GFRA1: variants seen among roughly 807,000 people sequenced by gnomAD.
GFRA1 encodes the protein GDNF family receptor alpha-1.
In GFRA1, 16 loss-of-function variants were observed where a neutral mutation model predicts 51.6. The observed-to-expected ratio is 0.31, with a 90% CI of 0.21 to 0.47. The LOEUF is 0.47. GFRA1 is among the 20% of genes least tolerant of loss of function. The pLI, the probability that GFRA1 is intolerant of heterozygous loss-of-function variation, is 1.00. For synonymous variants in GFRA1, 270 were observed against 241.3 expected, an observed-to-expected ratio of 1.12 and a Z score of -1.10; for missense variants, 530 against 594.3, an observed-to-expected ratio of 0.89 and a Z score of 1.13.
chr10:116,268,360 T>C (rs1480184565), intron 4 of GFRA1, among the ~76,000 whole-genome samples: 2 of 152,240 alleles, frequency 1.3e-5, no homozygotes, highest in Non-Finnish European at 2.9e-5. Flanking sequence ...GTAACACTTT[T>C]AACACATTGC....
Position 116,268,632 on chromosome 10 carries a change from C to G in GFRA1, c.418+871G>C, listed in dbSNP as rs140507663. On this transcript the variant is annotated intron_variant, in intron 4 of 10. Transcript: ENST00000355422. The stretch of plus-strand genomic sequence containing the variant: ...CAAGACACTCTCATCAGTTACAAAC[C>G]ATAATCTCATAGAATCAAATTCAAC... 5.1e-3 allele frequency among the ~76,000 whole-genome samples: 778 copies of G among 152,200 alleles called. 9 individuals are homozygous for G. Among genetic ancestry groups the G allele is most frequent in the African/African-American group, 0.018 (736 of 41,540 alleles).
Position 116,080,262 on chromosome 10 carries a change from C to T in GFRA1, c.1197+9479G>A, listed in dbSNP as rs112656584. ...GGAAGCTCTTCTACTGTCATCTGCA[C>T]GTTAAAGATGAGGAAATTGAGGCAG... On this transcript the variant is annotated intron_variant, in intron 9 of 10. Transcript: ENST00000355422. Among the ~76,000 whole-genome samples, 617 of 152,218 alleles carry T rather than the reference C, an allele frequency of 4.1e-3. 6 individuals carry two copies. Among genetic ancestry groups the T allele is most frequent in the African/African-American group, 0.014 (578 of 41,526 alleles).
intron 5 of GFRA1, among the ~76,000 whole-genome samples, chr10:116,194,232 G>T (rs542455193): frequency 2.0e-5 from 3 of 151,970 alleles, no homozygotes; most frequent in Non-Finnish European, 4.4e-5. Context: ...GAGTCTCTTA[G>T]GTAAATCAAT....
intron 3 of GFRA1, 48 bp downstream of exon 3, chr10:116,270,774 T>G: frequency 6.6e-7 from 1 of 1,517,676 alleles, no homozygotes; most frequent in South Asian, 1.2e-5. Flanking sequence ...AAGGCCCGCC[T>G]GCCTTCGGGG....
intron 4 of GFRA1, among the ~76,000 whole-genome samples, chr10:116,215,277 G>C (rs1056821298): frequency 6.6e-6 from 1 of 152,176 alleles, no homozygotes; most frequent in African/African-American, 2.4e-5. Flanking sequence ...TTTCTGTTCT[G>C]TTGGCTACAT....
At chr10:116,176,312 A>C (rs1370486168) in intron 5 of GFRA1, among the ~76,000 whole-genome samples, 1 of 152,182 alleles carries the variant, frequency 6.6e-6, no homozygotes, top group Non-Finnish European at 1.5e-5. Context: ...TCCATCTTTC[A>C]CTTCTTGACA....
At chr10:116,149,211 C>G (rs902791216) in intron 5 of GFRA1, among the ~76,000 whole-genome samples, 1 of 152,174 alleles carries the variant, frequency 6.6e-6, no homozygotes, top group Non-Finnish European at 1.5e-5. Flanking sequence ...GAAGTCATTA[C>G]TCTTTATCTC....
chr10:116,235,761 G>A (rs1008716635), intron 4 of GFRA1, among the ~76,000 whole-genome samples: 3 of 152,070 alleles, frequency 2.0e-5, no homozygotes, highest in Non-Finnish European at 2.9e-5. Flanking sequence ...ATAAGGGTGT[G>A]GCCGTCAAGA....
chr10:116,190,046 G>A (rs1453766925), intron 5 of GFRA1, among the ~76,000 whole-genome samples: 1 of 152,178 alleles, frequency 6.6e-6, no homozygotes. Context: ...CCAAAGCACA[G>A]CAACTGGGAT....
chr10:116,237,884 T>TA (rs1286815490), intron 4 of GFRA1, among the ~76,000 whole-genome samples: 14 of 152,166 alleles, frequency 9.2e-5, no homozygotes, highest in Non-Finnish European at 1.0e-4. Context: ...AAAGGGTTCC[T>TA]AGGGGCAAAC....
intron 5 of GFRA1, among the ~76,000 whole-genome samples, chr10:116,146,367 T>C (rs1958802076): frequency 6.6e-6 from 1 of 152,274 alleles, no homozygotes; most frequent in Non-Finnish European, 1.5e-5. Context: ...CATATTAGTT[T>C]GAGTAATTGT....
intron 5 of GFRA1, among the ~76,000 whole-genome samples, chr10:116,141,877 C>A (rs1958584612): frequency 6.6e-6 from 1 of 152,150 alleles, no homozygotes; most frequent in African/African-American, 2.4e-5. Context: ...AGCCACCATA[C>A]CCGACCTCTT....
chr10:116,267,920 C>T (rs1277441525), intron 4 of GFRA1, among the ~76,000 whole-genome samples: 2 of 141,616 alleles, frequency 1.4e-5, no homozygotes, highest in Admixed American at 1.5e-4. Context: ...ATATCTTATG[C>T]CAAAACAGAC....
At chr10:116,084,207 G>A (rs954973463) in intron 9 of GFRA1, among the ~76,000 whole-genome samples, 1 of 152,220 alleles carries the variant, frequency 6.6e-6, no homozygotes, top group African/African-American at 2.4e-5. Context: ...GGGCAGGACG[G>A]CTGCCCTCTG....
intron 8 of GFRA1, among the ~76,000 whole-genome samples, chr10:116,093,222 G>A (rs1462391372): frequency 6.6e-6 from 1 of 152,148 alleles, no homozygotes; most frequent in Non-Finnish European, 1.5e-5. Context: ...GGCTATTGAT[G>A]TTAACATTCT....
intron 4 of GFRA1, among the ~76,000 whole-genome samples, chr10:116,240,180 C>T (rs1175291576): frequency 6.6e-6 from 1 of 152,080 alleles, no homozygotes; most frequent in Admixed American, 6.6e-5. Context: ...AATCTTAAAT[C>T]CTCAGGACAA....
At position 116,062,496 on chromosome 10, in the gene GFRA1, T is replaced by TAACA. The variant is rs1352596253; in HGVS notation, c.*1898_*1901dup. ...TAACATTTGGACACAAATATACTTT[T>TAACA]AACACCAATAGAGCTGAAAGACTAT... is the stretch of plus-strand genomic sequence containing the variant. On this transcript the variant is annotated 3_prime_UTR_variant, in exon 11 of 11. Coordinates refer to ENST00000355422, the MANE Select transcript of GFRA1 (RefSeq NM_005264.8). 1.2e-5 allele frequency: 2 copies of TAACA among 173,900 alleles called. No individual in the cohort carries two copies. Among genetic ancestry groups the TAACA allele is most frequent in the Non-Finnish European group, 2.4e-5 (2 of 83,112 alleles). 10.8% of individuals were successfully genotyped at this position (173,900 alleles called of 1,614,324 possible). A position where few individuals can be genotyped will look rare whatever the true frequency, so the allele number is the denominator to read the frequency against.
At chr10:116,213,756 G>A (rs1228741102) in intron 4 of GFRA1, among the ~76,000 whole-genome samples, 1 of 152,140 alleles carries the variant, frequency 6.6e-6, no homozygotes, top group Admixed American at 6.5e-5. Flanking sequence ...TATGGTGGCA[G>A]TTTTCACTCC....
At chr10:116,127,681 A>C (rs1174918928) in intron 5 of GFRA1, among the ~76,000 whole-genome samples, 1 of 152,152 alleles carries the variant, frequency 6.6e-6, no homozygotes, top group African/African-American at 2.4e-5. Context: ...CAGGAGTGAA[A>C]TAGTCGCCAT....
Sources: gnomAD v4.1 joint callset for allele counts (sites outside exome capture counted in the v4.1 genomes callset) on GRCh38, gnomAD v4.1.1 for gene constraint, MANE v1.5 for transcripts, NCBI Gene and HGNC (gene_info 2026-07-23, HGNC 2026-07-21) for gene names.